Variants in HDAC9 observed in about 807,000 individuals in gnomAD.
The protein encoded by HDAC9 is MEF-2 interacting transcription repressor (MITR) protein.
Under a neutral mutation model 139.4 loss-of-function variants are expected in HDAC9, and 41 were observed. That is an observed-to-expected ratio of 0.29 (90% CI 0.23 to 0.38). The LOEUF (loss-of-function observed/expected upper bound fraction) is 0.38, where lower values mean the gene tolerates loss of function less well. Among genes scored for constraint, HDAC9 ranks in the 10% least tolerant of loss-of-function variants. The pLI is 1.00. For missense variants in HDAC9, 1,147 were observed against 1,297.0 expected, an observed-to-expected ratio of 0.88 and a Z score of 1.78; for synonymous variants, 517 against 476.2, an observed-to-expected ratio of 1.09 and a Z score of -1.12.
At chr7:18,441,803 CTG>C (rs903309210) in intron 1 of HDAC9, among the ~76,000 whole-genome samples, 3 of 152,198 alleles carry the variant, frequency 2.0e-5, no homozygotes, top group African/African-American at 7.2e-5. Flanking sequence ...GAGTCTCACT[CTG>C]TCGCTCAGGC....
At chr7:18,880,840 TG>T (rs1267151279) in intron 22 of HDAC9, among the ~76,000 whole-genome samples, 2 of 39,300 alleles carry the variant, frequency 5.1e-5, no homozygotes, top group African/African-American at 1.5e-4. Context: ...AGTTAATAGT[TG>T]CCGGGGGGGG....
At chr7:18,480,764 C>T (rs1563030632) in intron 1 of HDAC9, among the ~76,000 whole-genome samples, 1 of 151,818 alleles carries the variant, frequency 6.6e-6, no homozygotes, top group Non-Finnish European at 1.5e-5. Context: ...TGATTTTTTT[C>T]TAGTCATGGG....
chr7:18,725,367 G>T (rs917896230), intron 12 of HDAC9, among the ~76,000 whole-genome samples: 1 of 152,058 alleles, frequency 6.6e-6, no homozygotes. Flanking sequence ...GATAGTATTC[G>T]GTTAGAACTT....
At chr7:18,542,772 A>G (rs1308898146) in intron 2 of HDAC9, among the ~76,000 whole-genome samples, 3 of 152,218 alleles carry the variant, frequency 2.0e-5, no homozygotes, top group Non-Finnish European at 4.4e-5. Flanking sequence ...AGTTACCACT[A>G]TGTATCAGAG....
intron 16 of HDAC9, among the ~76,000 whole-genome samples, chr7:18,790,626 C>T (rs1235363127): frequency 6.6e-6 from 1 of 152,148 alleles, no homozygotes; most frequent in Non-Finnish European, 1.5e-5. Context: ...AGTACAATTA[C>T]CTATTTATGA....
At chr7:18,291,588 G>A (rs995948314) in intron 1 of HDAC9, among the ~76,000 whole-genome samples, 1 of 151,978 alleles carries the variant, frequency 6.6e-6, no homozygotes, top group African/African-American at 2.4e-5. Context: ...CAAGCAGAAA[G>A]CCAAAGGTTG....
intron 1 of HDAC9, among the ~76,000 whole-genome samples, chr7:18,425,366 A>G (rs776720386): frequency 2.8e-4 from 43 of 152,242 alleles, no homozygotes; most frequent in Non-Finnish European, 5.7e-4. Flanking sequence ...ACTATTCAAC[A>G]AGTACTCATG....
chr7:18,938,701 A>C (rs960976130), intron 23 of HDAC9, among the ~76,000 whole-genome samples: 1 of 152,246 alleles, frequency 6.6e-6, no homozygotes, highest in African/African-American at 2.4e-5. Flanking sequence ...AGGAGAGTGA[A>C]TACTGCAACT....
chr7:18,539,617 T>C (rs1345904049), intron 2 of HDAC9, among the ~76,000 whole-genome samples: 2 of 152,248 alleles, frequency 1.3e-5, no homozygotes, highest in Admixed American at 6.5e-5. Flanking sequence ...TGGGAACTTA[T>C]ACTATCTTGA....
chr7:18,286,898 G>A (rs776374348), upstream of HDAC9, among the ~76,000 whole-genome samples: 4 of 152,034 alleles, frequency 2.6e-5, no homozygotes, highest in Admixed American at 6.6e-5. Flanking sequence ...TCTATGACAC[G>A]CAGTCAGACT....
At chr7:18,205,389 C>T (rs900111191) in intron 2 of HDAC9, among the ~76,000 whole-genome samples, 25 of 151,892 alleles carry the variant, frequency 1.6e-4, no homozygotes, top group African/African-American at 5.6e-4. Context: ...TTGAGCTTCT[C>T]CTGTGTTACA....
At chr7:18,172,416 A>AT (rs1325193369) in intron 2 of HDAC9, among the ~76,000 whole-genome samples, 4 of 151,848 alleles carry the variant, frequency 2.6e-5, no homozygotes, top group Non-Finnish European at 5.9e-5. Context: ...GGATTCATTG[A>AT]TTTTTTTGAA....
intron 2 of HDAC9, among the ~76,000 whole-genome samples, chr7:18,182,570 G>A (rs574438235): frequency 1.3e-5 from 2 of 152,246 alleles, no homozygotes; most frequent in Admixed American, 6.5e-5. Context: ...CACAAGCCAG[G>A]GGCTTTCACT....
chr7:18,530,151 G>A (rs1295517206), intron 2 of HDAC9, among the ~76,000 whole-genome samples: 4 of 151,904 alleles, frequency 2.6e-5, no homozygotes, highest in African/African-American at 9.7e-5. Context: ...AATAAGCCAG[G>A]CATGGTGGCA....
At chr7:18,210,576 T>A (rs1278067137) in intron 2 of HDAC9, among the ~76,000 whole-genome samples, 1 of 152,246 alleles carries the variant, frequency 6.6e-6, no homozygotes, top group Non-Finnish European at 1.5e-5. Flanking sequence ...TACTTTGCAC[T>A]CTGTGACACA....
chr7:18,563,781 A>G (rs1340426604), intron 2 of HDAC9, among the ~76,000 whole-genome samples: 3 of 149,772 alleles, frequency 2.0e-5, no homozygotes, highest in African/African-American at 7.4e-5. Flanking sequence ...TCTAGGGTAC[A>G]TGTGCACAAC....
In HDAC9 at chr7:18,496,313, T is replaced by A; in HGVS notation, c.11T>A (p.Met4Lys). Reference sequence around the variant, plus strand: ...TTGGCTCAGCAAAGAATGCACAGTATGATCAGCTCAGGTAAGATCCTCTTT... The same window carrying A: ...TTGGCTCAGCAAAGAATGCACAGTAAGATCAGCTCAGGTAAGATCCTCTTT... Reference protein sequence around the residue: MHSMISSVDVKSEV... With the variant: MHSKISSVDVKSEV... The change falls in exon 2 of 26, where the codon ATG (methionine) becomes AAG (lysine). Residue 4 changes from methionine (M) to lysine (K), a missense_variant. Transcript: ENST00000686413. 6.2e-7 allele frequency: 1 copy of A among 1,613,100 alleles called. No individual in the cohort carries two copies. The highest frequency in any genetic ancestry group is 1.1e-5 in the South Asian group (1 of 91,058).
At chr7:18,917,821 C>T (rs1803343706) in intron 22 of HDAC9, among the ~76,000 whole-genome samples, 1 of 152,028 alleles carries the variant, frequency 6.6e-6, no homozygotes, top group East Asian at 2.0e-4. Context: ...GAAATTCAGG[C>T]CCCCAAATCT....
intron 16 of HDAC9, among the ~76,000 whole-genome samples, chr7:18,787,502 C>A (rs779638340): frequency 1.3e-5 from 2 of 152,170 alleles, no homozygotes; most frequent in Non-Finnish European, 2.9e-5. Context: ...CTAAAGCTGC[C>A]TTCATGCTTG....
Sources: gnomAD v4.1 joint callset for allele counts (sites outside exome capture counted in the v4.1 genomes callset) on GRCh38, gnomAD v4.1.1 for gene constraint, MANE v1.5 for transcripts, NCBI Gene and HGNC (gene_info 2026-07-23, HGNC 2026-07-21) for gene names.